ZPBP: variants seen among roughly 807,000 people sequenced by gnomAD.
ZPBP encodes zona pellucida binding protein.
ZPBP carries 26 observed loss-of-function variants against 44.8 expected under a neutral mutation model. The observed-to-expected ratio is 0.58, with a 90% confidence interval of 0.43 to 0.81. The LOEUF (loss-of-function observed/expected upper bound fraction) is 0.81. ZPBP is among the 30% of genes least tolerant of loss of function. ZPBP has a pLI of 0.00. For missense variants in ZPBP, 409 were observed against 434.0 expected (o/e 0.94, Z 0.51); for synonymous variants, 174 against 153.2 (o/e 1.14, Z -1.00).
At chr7:50,078,275 GGAT>G (rs1414622293) in intron 3 of ZPBP, among the ~76,000 whole-genome samples, 1 of 151,434 alleles carries the variant, frequency 6.6e-6, no homozygotes, top group Non-Finnish European at 1.5e-5. Context: ...GGGGAAGTGG[GGAT>G]GATTAATGGG....
chr7:50,079,154 C>T (rs1584188867), intron 3 of ZPBP, among the ~76,000 whole-genome samples: 1 of 151,434 alleles, frequency 6.6e-6, no homozygotes, highest in East Asian at 1.9e-4. Flanking sequence ...TGGACAAATT[C>T]CTTGAAAGAT....
At chr7:49,884,549 A>G (rs149025337) in intron 2 of ZPBP, among the ~76,000 whole-genome samples, 15 of 152,202 alleles carry the variant, frequency 9.9e-5, no homozygotes, top group Non-Finnish European at 2.2e-4. Context: ...TCAGGAAGGA[A>G]CTCAGTTCTA....
At chr7:49,965,523 T>C (rs1796024187) in intron 7 of ZPBP, among the ~76,000 whole-genome samples, 1 of 152,000 alleles carries the variant, frequency 6.6e-6, no homozygotes, top group African/African-American at 2.4e-5. Context: ...ATAAAGTCCT[T>C]CAGGCCATAG....
chr7:49,944,934 C>CTTA (rs1795039176), intron 7 of ZPBP, among the ~76,000 whole-genome samples: 1 of 151,844 alleles, frequency 6.6e-6, no homozygotes. Flanking sequence ...TAAGATGTAT[C>CTTA]AATAGGTTGC....
intron 2 of ZPBP, among the ~76,000 whole-genome samples, chr7:49,897,485 G>C (rs925576077): frequency 6.6e-6 from 1 of 152,174 alleles, no homozygotes; most frequent in Non-Finnish European, 1.5e-5. Context: ...AGTTGGCTTA[G>C]TACTCAAACA....
intron 1 of ZPBP, among the ~76,000 whole-genome samples, chr7:49,908,902 A>G (rs1042478426): frequency 2.0e-5 from 3 of 152,230 alleles, no homozygotes; most frequent in Non-Finnish European, 2.9e-5. Flanking sequence ...TAAAGATTTT[A>G]TATTCTACAG....
chr7:49,889,761 T>G (rs1401354916), intron 2 of ZPBP, among the ~76,000 whole-genome samples: 1 of 152,162 alleles, frequency 6.6e-6, no homozygotes. Flanking sequence ...CAAACCTGAT[T>G]AACATATTTT....
intron 6 of ZPBP, among the ~76,000 whole-genome samples, chr7:49,994,706 A>G (rs1797736387): frequency 6.6e-6 from 1 of 152,174 alleles, no homozygotes; most frequent in Non-Finnish European, 1.5e-5. Context: ...TGATTCACAT[A>G]TTAGGGCCTG....
chr7:49,981,812 A>G (rs181801424), intron 7 of ZPBP, among the ~76,000 whole-genome samples: 21,362 of 31,528 alleles, frequency 0.68, 7,747 homozygotes, highest in East Asian at 0.79. Flanking sequence ...TGAATTATAT[A>G]GATTATATAA....
At position 49,871,908 on chromosome 7, in the gene ZPBP, A is replaced by AACACACACAC. The variant is rs72332840; in HGVS notation, n.510-21404_510-21395dup. Among the ~76,000 whole-genome samples the AACACACACAC allele has an allele frequency of 1.6e-4, 14 of 87,918 alleles. No individual in the cohort carries two copies. The South Asian group carries it at 2.0e-3, about 13-fold the overall frequency. 57.7% of individuals were successfully genotyped at this position (87,918 alleles called of 152,430 possible). A position where few individuals can be genotyped will look rare whatever the true frequency, so the allele number is the denominator to read the frequency against. ...TTTTGTATGTATATGTGTGTATATA[A>AACACACACAC]ACACACACACACACACACACACACA... is the stretch of plus-strand genomic sequence containing the variant. On this transcript the variant is annotated intron_variant and non_coding_transcript_variant, in intron 2 of 2. Transcript: ENST00000465922.
At chr7:49,969,712 T>C (rs570716622) in intron 7 of ZPBP, among the ~76,000 whole-genome samples, 1 of 151,734 alleles carries the variant, frequency 6.6e-6, no homozygotes, top group African/African-American at 2.4e-5. Flanking sequence ...CAAACAGCAC[T>C]GTATAAAAAT....
downstream of ZPBP, among the ~76,000 whole-genome samples, chr7:49,848,443 G>A (rs539839706): frequency 1.3e-5 from 2 of 152,344 alleles, no homozygotes; most frequent in South Asian, 2.1e-4. Flanking sequence ...CAGGACACAT[G>A]GGATCCTCTG....
At chr7:49,872,831 G>T (rs376633038) in intron 2 of ZPBP, among the ~76,000 whole-genome samples, 8 of 133,632 alleles carry the variant, frequency 6.0e-5, no homozygotes, top group African/African-American at 1.9e-4. Flanking sequence ...CAGGAGAATC[G>T]CTTGAAACCA....
At chr7:49,954,154 G>A (rs28887600) in intron 7 of ZPBP, among the ~76,000 whole-genome samples, 4,360 of 152,048 alleles carry the variant, frequency 0.029, 234 homozygotes, top group African/African-American at 0.1. Context: ...TCCATGACCA[G>A]CTCATTATTT....
chr7:50,058,050 G>A lies in ZPBP; in HGVS notation c.426C>T (p.Leu142=), dbSNP rs199712637. 2.0e-5 allele frequency: 33 copies of A among 1,613,270 alleles called. No individual in the cohort carries two copies. The highest frequency in any genetic ancestry group is 5.3e-5 in the African/African-American group (4 of 74,966). ...TTTCTTCCACAGTAGGTTTATATTC[G>A]AGGAAACATGTATAAATTCCACTCA... ...ESMSGIYTCF[L]EYKPTVEEIV... is the part of the protein sequence containing the mutation. Residue 142 remains leucine, a synonymous_variant, in exon 4 of 8, where the codon CTC becomes CTT. Coordinates refer to ENST00000046087, the MANE Select transcript of ZPBP (RefSeq NM_007009.3).
chr7:50,069,171 A>G (rs1340883801), intron 3 of ZPBP, among the ~76,000 whole-genome samples: 1 of 152,174 alleles, frequency 6.6e-6, no homozygotes, highest in Non-Finnish European at 1.5e-5. Flanking sequence ...CTTTTAACTT[A>G]ACTCCTTAGA....
intron 6 of ZPBP, among the ~76,000 whole-genome samples, chr7:49,999,291 A>G (rs893391295): frequency 6.6e-6 from 1 of 150,782 alleles, no homozygotes; most frequent in Non-Finnish European, 1.5e-5. Context: ...TACTATATAT[A>G]TCATATGTAT....
At chr7:49,954,379 A>G (rs916295717) in intron 7 of ZPBP, among the ~76,000 whole-genome samples, 2 of 152,220 alleles carry the variant, frequency 1.3e-5, no homozygotes, top group African/African-American at 4.8e-5. Flanking sequence ...TCACGCTTTC[A>G]TACAGCAACA....
At chr7:50,018,342 A>G (rs1798922837) in intron 5 of ZPBP, 26 bp from the exon 6 acceptor site, 2 of 1,456,046 alleles carry the variant, frequency 1.4e-6, no homozygotes, top group Non-Finnish European at 1.9e-6. Flanking sequence ...ATATTTTATC[A>G]TGGGTATAAT....
Sources: gnomAD v4.1 joint callset for allele counts (sites outside exome capture counted in the v4.1 genomes callset) on GRCh38, gnomAD v4.1.1 for gene constraint, MANE v1.5 for transcripts, NCBI Gene and HGNC (gene_info 2026-07-23, HGNC 2026-07-21) for gene names.